Variants in DOCK9 observed in about 807,000 individuals in gnomAD.
DOCK9 encodes the protein dedicator of cytokinesis 9, also known as dedicator of cytokinesis protein 9.
In DOCK9, 89 loss-of-function variants were observed where a neutral mutation model predicts 263.3. That is an observed-to-expected ratio of 0.34 (90% confidence interval 0.28 to 0.40). DOCK9 has a LOEUF of 0.40. Ranked by LOEUF, DOCK9 falls within the 10% of genes least tolerant of loss-of-function variation. The probability of loss-of-function intolerance (pLI) is 1.00; values close to 1 mark genes in which losing one functional copy is unlikely to be tolerated. For missense variants in DOCK9, 2,140 were observed against 2,603.4 expected, an observed-to-expected ratio of 0.82 and a Z score of 3.87; for synonymous variants, 976 against 973.1, an observed-to-expected ratio of 1.00 and a Z score of -0.06.
chr13:98,844,016 G>A (rs1451893440), intron 38 of DOCK9, among the ~76,000 whole-genome samples: 1 of 152,196 alleles, frequency 6.6e-6, no homozygotes, highest in African/African-American at 2.4e-5. Flanking sequence ...AACCAATAGT[G>A]AGTTAACCTC....
intron 38 of DOCK9, among the ~76,000 whole-genome samples, chr13:98,838,693 T>C (rs1245688392): frequency 2.0e-5 from 3 of 152,232 alleles, no homozygotes; most frequent in Admixed American, 2.0e-4. Flanking sequence ...CATATAGGGA[T>C]GCAAAGATGT....
intron 2 of DOCK9, among the ~76,000 whole-genome samples, chr13:98,947,655 G>A (rs2056896028): frequency 1.3e-5 from 2 of 151,926 alleles, no homozygotes; most frequent in Non-Finnish European, 1.5e-5. Flanking sequence ...ACAGGCGCCC[G>A]CCACTACGCC....
intron 25 of DOCK9, among the ~76,000 whole-genome samples, 180 bp from the exon 26 acceptor site, chr13:98,880,852 C>A (rs928178950): frequency 3.3e-5 from 5 of 151,530 alleles, no homozygotes; most frequent in Non-Finnish European, 1.5e-5. Flanking sequence ...TCCAGGATGT[C>A]TTCAAGAAAA....
At chr13:98,941,759 G>T (rs1282278774) in intron 2 of DOCK9, among the ~76,000 whole-genome samples, 2 of 152,092 alleles carry the variant, frequency 1.3e-5, no homozygotes, top group Non-Finnish European at 2.9e-5. Context: ...TAAAGTTGAG[G>T]ATGGCAACTA....
chr13:98,830,146 G>A (rs761665782), intron 41 of DOCK9, among the ~76,000 whole-genome samples: 1 of 152,202 alleles, frequency 6.6e-6, no homozygotes, highest in Non-Finnish European at 1.5e-5. Context: ...TGGGTAGACT[G>A]TCCTTTGCAA....
At chr13:98,979,180 ATAGTAG>A (rs56125832), upstream of DOCK9, among the ~76,000 whole-genome samples, 451 of 132,798 alleles carry the variant, frequency 3.4e-3, 5 homozygotes, top group South Asian at 9.2e-3. Context: ...AGCAGCAGCA[ATAGTAG>A]TAGTAGTAGT....
intron 49 of DOCK9, among the ~76,000 whole-genome samples, chr13:98,802,585 A>T (rs2090244103): frequency 6.6e-6 from 1 of 152,196 alleles, no homozygotes. Flanking sequence ...TCCATGAAAG[A>T]AGTGGAGGAG....
rs375122739 is a variant in DOCK9, at chr13:98,867,986, C to A, written c.3116G>T (p.Gly1039Val). The A allele has an allele frequency of 2.8e-5, 45 of 1,613,566 alleles. No individual in the cohort carries two copies. The highest frequency in any genetic ancestry group is 3.7e-5 in the Non-Finnish European group (44 of 1,179,792). The change falls in exon 29 of 53, where the codon GGC becomes GTC. Residue 1039 changes from glycine (G) to valine (V), a missense_variant. Physicochemically the swap from Gly to Val is moderately radical, Grantham distance 109. This residue lies in a region of DOCK9 where 1,521 missense variants were observed against 1,741.7 expected (regional missense o/e 0.87). Coordinates refer to ENST00000682017, the MANE Select transcript of DOCK9 (RefSeq NM_001366683.2). Reference protein sequence around the residue: ...IKRCFTFMDRGFVFKQINNYI... With the variant: ...IKRCFTFMDRVFVFKQINNYI... ...GTTGTTGATCTGCTTGAAGACAAAG[C>A]CCCTGTCCATGAAGGTGAAACATCT... is the stretch of plus-strand genomic sequence containing the variant.
intron 2 of DOCK9, among the ~76,000 whole-genome samples, chr13:98,954,276 G>T (rs1223430888): frequency 6.6e-6 from 1 of 150,526 alleles, no homozygotes; most frequent in African/African-American, 2.4e-5. Flanking sequence ...ATTCACAAAA[G>T]ACAGGGCTTA....
intron 44 of DOCK9, 54 bp from the exon 45 acceptor site, chr13:98,824,558 A>G: frequency 1.3e-6 from 2 of 1,522,242 alleles, no homozygotes; most frequent in Non-Finnish European, 1.8e-6. Flanking sequence ...ACGTGGGTGA[A>G]CCCTGAGGGT....
At chr13:98,904,964 A>G (rs2048862251) in intron 9 of DOCK9, among the ~76,000 whole-genome samples, 1 of 152,232 alleles carries the variant, frequency 6.6e-6, no homozygotes, top group Admixed American at 6.5e-5. Flanking sequence ...AAAGAAAGCA[A>G]AAGAGAATAA....
At chr13:98,868,449 C>A in intron 27 of DOCK9, 72 bp from the exon 28 acceptor site, 1 of 1,475,432 alleles carries the variant, frequency 6.8e-7, no homozygotes, top group South Asian at 1.3e-5. Context: ...AATATCTCAT[C>A]CCTGAGTCCA....
intron 1 of DOCK9, among the ~76,000 whole-genome samples, chr13:99,053,276 C>T (rs1225725337): frequency 1.3e-5 from 2 of 152,122 alleles, no homozygotes; most frequent in Non-Finnish European, 2.9e-5. Flanking sequence ...TAAGCCTATA[C>T]AAATTTGCAG....
intron 39 of DOCK9, among the ~76,000 whole-genome samples, chr13:98,836,096 C>T (rs1355716752): frequency 6.6e-6 from 1 of 152,102 alleles, no homozygotes; most frequent in Non-Finnish European, 1.5e-5. Context: ...GCAGGCTGTT[C>T]AGTTGTTCAG....
intron 27 of DOCK9, among the ~76,000 whole-genome samples, chr13:98,869,461 A>G (rs1268698976): frequency 6.6e-6 from 1 of 152,268 alleles, no homozygotes; most frequent in East Asian, 1.9e-4. Context: ...TTTCTGTTAC[A>G]TGAAGCTGCA....
chr13:99,015,361 TTAAA>T (rs1414502060), intron 1 of DOCK9: 175 of 1,186,818 alleles, frequency 1.5e-4, no homozygotes, highest in Non-Finnish European at 1.9e-4. Context: ...ATAAGTACAC[TTAAA>T]TAAATATATT....
At chr13:98,911,339 A>G (rs1404193784) in intron 9 of DOCK9, among the ~76,000 whole-genome samples, 1 of 152,180 alleles carries the variant, frequency 6.6e-6, no homozygotes, top group Non-Finnish European at 1.5e-5. Context: ...ACAAAGATAA[A>G]TGTTTGAGGT....
intron 1 of DOCK9, among the ~76,000 whole-genome samples, chr13:99,054,493 C>G (rs528473075): frequency 6.6e-6 from 1 of 152,316 alleles, no homozygotes; most frequent in South Asian, 2.1e-4. Flanking sequence ...GAAAGCCACA[C>G]AAGTCCACAT....
upstream of DOCK9, among the ~76,000 whole-genome samples, chr13:98,978,541 CACTT>C (rs1567161689): frequency 6.6e-6 from 1 of 152,224 alleles, no homozygotes; most frequent in African/African-American, 2.4e-5. Context: ...CAGCATGAAA[CACTT>C]AATTTATGTA....
Sources: allele counts gnomAD v4.1 joint callset (sites outside exome capture counted in the v4.1 genomes callset), GRCh38; gene constraint gnomAD v4.1.1; regional missense constraint gnomAD v4.1.1; transcripts MANE v1.5; gene names NCBI Gene and HGNC (gene_info 2026-07-23, HGNC 2026-07-21).